The following DYNC1I1 variants were observed in gnomAD, a reference collection of about 807,000 sequenced individuals.
DYNC1I1 encodes dynein cytoplasmic 1 intermediate chain 1.
A neutral mutation model predicts 86.6 loss-of-function variants in DYNC1I1; 43 were observed. The observed-to-expected ratio is 0.50, with a 90% CI of 0.39 to 0.64. DYNC1I1 has a LOEUF of 0.64. Ranked by LOEUF, DYNC1I1 falls within the 30% of genes least tolerant of loss-of-function variation. The probability of loss-of-function intolerance (pLI) is 0.00; values close to 1 mark genes in which losing one functional copy is unlikely to be tolerated. For synonymous variants in DYNC1I1, 262 were observed against 283.7 expected (o/e 0.92, Z 0.77); for missense variants, 604 against 788.8 (o/e 0.77, Z 2.81).
intron 12 of DYNC1I1, among the ~76,000 whole-genome samples, chr7:96,035,281 T>C (rs1794902714): frequency 6.6e-6 from 1 of 152,242 alleles, no homozygotes; most frequent in African/African-American, 2.4e-5. Flanking sequence ...TGTTTGTAAA[T>C]ACAAGGGTAT....
At chr7:95,886,010 G>A (rs1790583069) in intron 6 of DYNC1I1, among the ~76,000 whole-genome samples, 1 of 152,138 alleles carries the variant, frequency 6.6e-6, no homozygotes, top group South Asian at 2.1e-4. Context: ...GGGTAACACT[G>A]TTTAATAATA....
At chr7:95,864,167 G>T (rs1439512139) in intron 5 of DYNC1I1, among the ~76,000 whole-genome samples, 2 of 152,140 alleles carry the variant, frequency 1.3e-5, no homozygotes, top group African/African-American at 2.4e-5. Flanking sequence ...AGCTAGCAAA[G>T]CCATGCTAAC....
intron 14 of DYNC1I1, among the ~76,000 whole-genome samples, chr7:96,074,672 T>C (rs1790278787): frequency 6.6e-6 from 1 of 152,206 alleles, no homozygotes; most frequent in Non-Finnish European, 1.5e-5. Context: ...GTGTGATATT[T>C]AGGTTACAGT....
intron 6 of DYNC1I1, among the ~76,000 whole-genome samples, chr7:95,938,488 T>G (rs907464397): frequency 6.6e-6 from 1 of 152,216 alleles, no homozygotes; most frequent in East Asian, 1.9e-4. Flanking sequence ...TATGGCATTT[T>G]ATTGCTTTGG....
chr7:95,820,610 G>T (rs1191145576), intron 4 of DYNC1I1, among the ~76,000 whole-genome samples: 3 of 152,216 alleles, frequency 2.0e-5, no homozygotes, highest in African/African-American at 4.8e-5. Context: ...AGAGAGAAAA[G>T]GAAGAACATG....
At chr7:95,853,206 A>T (rs13244474) in intron 5 of DYNC1I1, among the ~76,000 whole-genome samples, 31,348 of 152,134 alleles carry the variant, frequency 0.21, 3,324 homozygotes, top group African/African-American at 0.24. Context: ...TTTAATTGCC[A>T]TTGTGACAGT....
At chr7:96,039,168 C>T (rs749789697) in intron 13 of DYNC1I1, 109 bp from the exon 14 acceptor site, 1 of 1,264,762 alleles carries the variant, frequency 7.9e-7, no homozygotes, top group Non-Finnish European at 1.1e-6. Flanking sequence ...TGTGGTTGTT[C>T]TAAATTATGG....
At chr7:96,031,581 A>G (rs960786122) in intron 11 of DYNC1I1, among the ~76,000 whole-genome samples, 8 of 152,178 alleles carry the variant, frequency 5.3e-5, no homozygotes, top group African/African-American at 1.9e-4. Context: ...ATGAGTAGCT[A>G]CATTAGATGA....
intron 1 of DYNC1I1, among the ~76,000 whole-genome samples, chr7:95,777,221 G>T (rs568378327): frequency 6.6e-6 from 1 of 152,322 alleles, no homozygotes; most frequent in Non-Finnish European, 1.5e-5. Context: ...CAGAAGAAAA[G>T]CAAGCCCTGC....
rs562608918 is a variant in DYNC1I1 at position 96,084,751 on chromosome 7, A to G, written c.1776+4263A>G. On this transcript the variant is annotated intron_variant, in intron 16 of 16. Coordinates refer to ENST00000447467, the MANE Select transcript of DYNC1I1 (RefSeq NM_001135556.2). ...TTACCTGTTTCTTAAAACTACTTAA[A>G]AATGTTTAATGAGAAGGGCCACGAC... Among the ~76,000 whole-genome samples, 12 of 152,220 alleles carry G rather than the reference A, an allele frequency of 7.9e-5. No individual in the cohort carries two copies. The East Asian group carries it at 2.3e-3, about 29-fold the overall frequency.
At chr7:95,943,843 C>T (rs1477130215) in intron 6 of DYNC1I1, among the ~76,000 whole-genome samples, 1 of 151,362 alleles carries the variant, frequency 6.6e-6, no homozygotes, top group Non-Finnish European at 1.5e-5. Context: ...GAAACTGGAT[C>T]CCTTCCTTAC....
chr7:96,032,963 C>T (rs1373214167), intron 12 of DYNC1I1, among the ~76,000 whole-genome samples, 183 bp downstream of exon 12: 3 of 152,176 alleles, frequency 2.0e-5, no homozygotes, highest in East Asian at 3.8e-4. Flanking sequence ...TTTCCTTTAC[C>T]ACAAATCATG....
chr7:96,044,895 C>A (rs1324742749), intron 14 of DYNC1I1, among the ~76,000 whole-genome samples: 1 of 152,054 alleles, frequency 6.6e-6, no homozygotes, highest in Non-Finnish European at 1.5e-5. Flanking sequence ...GGTCAGAAAC[C>A]AGAATGTTTT....
intron 16 of DYNC1I1, among the ~76,000 whole-genome samples, chr7:96,103,635 CGGAGTCTCG>C (rs1791169793): frequency 6.8e-6 from 1 of 148,080 alleles, no homozygotes; most frequent in Non-Finnish European, 1.5e-5. Context: ...TTTTTTGAGA[CGGAGTCTCG>C]CTCTGTCGCC....
intron 6 of DYNC1I1, among the ~76,000 whole-genome samples, chr7:95,922,357 G>A (rs1791633236): frequency 6.6e-6 from 1 of 152,104 alleles, no homozygotes; most frequent in Admixed American, 6.6e-5. Context: ...TTTGGAGAAG[G>A]ACTGATTGGT....
intron 5 of DYNC1I1, among the ~76,000 whole-genome samples, chr7:95,836,963 C>A (rs1275510773): frequency 6.6e-6 from 1 of 152,164 alleles, no homozygotes; most frequent in Non-Finnish European, 1.5e-5. Context: ...CTTCTTCTCT[C>A]AGCTCGTCAA....
At chr7:96,028,453 A>T in intron 11 of DYNC1I1, 132 bp downstream of exon 11, 1 of 1,246,194 alleles carries the variant, frequency 8.0e-7, no homozygotes, top group Non-Finnish European at 1.1e-6. Context: ...TTGAATCCTG[A>T]CCAGCTAAAA....
At chr7:96,023,870 T>G (rs1463457693) in intron 10 of DYNC1I1, among the ~76,000 whole-genome samples, 1 of 152,208 alleles carries the variant, frequency 6.6e-6, no homozygotes, top group Non-Finnish European at 1.5e-5. Context: ...TTGGAAACTG[T>G]CAACAGAGAT....
At chr7:95,773,075 T>G (rs955646393) in intron 1 of DYNC1I1, among the ~76,000 whole-genome samples, 9 of 152,144 alleles carry the variant, frequency 5.9e-5, no homozygotes, top group Admixed American at 6.5e-5. Flanking sequence ...GGCGTCCCAG[T>G]GCGCCCCGCC....
Sources: allele counts gnomAD v4.1 joint callset (sites outside exome capture counted in the v4.1 genomes callset), GRCh38; gene constraint gnomAD v4.1.1; transcripts MANE v1.5; gene names NCBI Gene and HGNC (gene_info 2026-07-23, HGNC 2026-07-21).